The following COL4A4 variants were observed in gnomAD, a reference collection of about 807,000 sequenced individuals.
COL4A4 encodes the protein collagen type IV alpha 4 chain.
Under a neutral mutation model 192.9 loss-of-function variants are expected in COL4A4, and 105 were observed. The observed-to-expected ratio is 0.54, with a 90% CI of 0.46 to 0.64. COL4A4 has a LOEUF of 0.64. COL4A4 is among the 30% of genes least tolerant of loss of function. COL4A4 has a pLI of 0.00. For missense variants in COL4A4, 1,967 were observed against 2,169.3 expected (o/e 0.91, Z 1.85); for synonymous variants, 762 against 769.9 (o/e 0.99, Z 0.17).
At chr2:226,976,741 G>A in the COL4A4 span, among the ~76,000 whole-genome samples, 1 of 152,178 alleles carries the variant, frequency 6.6e-6, no homozygotes, top group Non-Finnish European at 1.5e-5. Flanking sequence ...AGTGCTGCAG[G>A]CACAAGGTAC....
intron 22 of COL4A4, among the ~76,000 whole-genome samples, chr2:227,086,786 G>A (rs1490905513): frequency 1.3e-5 from 2 of 152,190 alleles, no homozygotes; most frequent in Non-Finnish European, 2.9e-5. Flanking sequence ...AGAAGATTAA[G>A]TACCAACACA....
intron 41 of COL4A4, among the ~76,000 whole-genome samples, chr2:227,029,878 T>TC (rs1264479192): frequency 1.3e-5 from 2 of 152,168 alleles, no homozygotes; most frequent in East Asian, 3.8e-4. Context: ...AACTAAGCTG[T>TC]CCAATACAGA....
Position 227,054,731 on chromosome 2 carries a change from C to CG in COL4A4, c.2722dup (p.Arg908ProfsTer55), listed in dbSNP as rs1559508623. 6.2e-7 allele frequency: 1 copy of CG among 1,613,898 alleles called. No individual in the cohort carries two copies. Among genetic ancestry groups the CG allele is most frequent in the African/African-American group, 1.3e-5 (1 of 75,032 alleles). On this transcript the variant is annotated frameshift_variant, in exon 31 of 48. Coordinates refer to ENST00000396625, the MANE Select transcript of COL4A4 (RefSeq NM_000092.5). LOFTEE classifies it high-confidence loss of function. Reference sequence around the variant, plus strand: ...AAAACCTGGGAAACCAGGCAGCCCCCGGGGTCCTGGTGAAATGAGAGCATA... The same window carrying CG: ...AAAACCTGGGAAACCAGGCAGCCCCCGGGGGTCCTGGTGAAATGAGAGCATA...
chr2:227,108,650 T>C (rs766140614), intron 11 of COL4A4, 28 bp from the exon 12 acceptor site: 25 of 1,612,508 alleles, frequency 1.6e-5, no homozygotes, highest in Non-Finnish European at 2.1e-5. Context: ...AAGAATCTAA[T>C]TGCTTTTGAA....
intron 44 of COL4A4, among the ~76,000 whole-genome samples, chr2:227,014,300 C>T (rs1328757186): frequency 5.3e-5 from 8 of 152,110 alleles, no homozygotes; most frequent in Non-Finnish European, 7.4e-5. Context: ...CTTGGTAGGG[C>T]GGGGTGGGGC....
At chr2:227,162,658 A>T (rs75261204) in intron 1 of COL4A4, among the ~76,000 whole-genome samples, 7,548 of 152,312 alleles carry the variant, frequency 0.05, 234 homozygotes, top group Admixed American at 0.087. Context: ...TACTAAGAAT[A>T]TATCCTAATT....
Position 227,088,692 on chromosome 2 carries a change from G to C in COL4A4, c.1584C>G (p.Asp528Glu). Residue 528 changes from aspartate to glutamate, a missense_variant, in exon 22 of 48, where the codon GAC becomes GAG. By Grantham distance (45) the Asp-to-Glu change is conservative. Transcript: ENST00000396625. ...GLPGWLGTKG[D>E]PGPPGAEGPP... ...GTCCTTCAGCACCAGGAGGTCCTGG[G>C]TCACCTTTTGTTCCAAGCCAGCCAG... 1.9e-6 allele frequency: 3 copies of C among 1,614,138 alleles called. No homozygotes were observed. The highest frequency in any genetic ancestry group is 2.5e-6 in the Non-Finnish European group (3 of 1,180,028).
intron 19 of COL4A4, among the ~76,000 whole-genome samples, chr2:227,095,540 G>A (rs2150704301): frequency 6.6e-6 from 1 of 152,306 alleles, no homozygotes; most frequent in African/African-American, 2.4e-5. Context: ...TAATGCAACA[G>A]CAGGAAATCC....
At chr2:227,021,755 G>A (rs1389007955) in intron 44 of COL4A4, among the ~76,000 whole-genome samples, 1 of 152,134 alleles carries the variant, frequency 6.6e-6, no homozygotes, top group African/African-American at 2.4e-5. Context: ...AACCTGGGAG[G>A]CGGAGCTTGC....
intron 8 of COL4A4, among the ~76,000 whole-genome samples, chr2:227,112,561 G>A (rs887674891): frequency 1.3e-5 from 2 of 152,246 alleles, no homozygotes; most frequent in Admixed American, 1.3e-4. Flanking sequence ...GAGCCACCAC[G>A]CCTGGCCCAT....
At chr2:226,972,321 T>C in the COL4A4 span, among the ~76,000 whole-genome samples, 1 of 152,044 alleles carries the variant, frequency 6.6e-6, no homozygotes, top group Non-Finnish European at 1.5e-5. Flanking sequence ...CTTTATCCAG[T>C]CAATCATTGA....
At chr2:226,985,563 A>G in the COL4A4 span, among the ~76,000 whole-genome samples, 1 of 152,248 alleles carries the variant, frequency 6.6e-6, no homozygotes, top group East Asian at 1.9e-4. Flanking sequence ...TCGGGTGGAT[A>G]TGTTCAGTTG....
the COL4A4 span, chr2:226,969,050 A>G: frequency 2.9e-5 from 6 of 209,016 alleles, no homozygotes; most frequent in Non-Finnish European, 6.1e-5. Context: ...GGGATAAACA[A>G]GGTGTTGCTT....
chr2:227,127,336 G>A (rs551358625), intron 4 of COL4A4, among the ~76,000 whole-genome samples: 2 of 152,282 alleles, frequency 1.3e-5, no homozygotes, highest in African/African-American at 4.8e-5. Context: ...TGGTTCAAAG[G>A]CCAAATTGAC....
At chr2:227,097,334 G>A (rs189551315) in intron 19 of COL4A4, among the ~76,000 whole-genome samples, 70 of 152,186 alleles carry the variant, frequency 4.6e-4, no homozygotes, top group African/African-American at 1.5e-3. Context: ...GTCACATACC[G>A]AAAATGTATA....
intron 25 of COL4A4, among the ~76,000 whole-genome samples, chr2:227,065,011 T>C (rs899151979): frequency 4.6e-5 from 7 of 151,970 alleles, no homozygotes; most frequent in African/African-American, 7.3e-5. Flanking sequence ...AGACAGTGGG[T>C]GCAGGTCAGT....
At chr2:226,967,554 C>A in the COL4A4 span, among the ~76,000 whole-genome samples, 2 of 139,968 alleles carry the variant, frequency 1.4e-5, no homozygotes, top group Non-Finnish European at 3.0e-5. Flanking sequence ...CCACCTCTAA[C>A]TTTCTGCATG....
chr2:227,066,790 A>G (rs900300636), intron 25 of COL4A4, among the ~76,000 whole-genome samples: 6 of 152,070 alleles, frequency 3.9e-5, no homozygotes, highest in Admixed American at 6.5e-5. Flanking sequence ...CATCGAGACT[A>G]GGAAGAAACT....
intron 44 of COL4A4, among the ~76,000 whole-genome samples, chr2:227,014,764 G>T (rs1964516126): frequency 2.6e-5 from 4 of 152,058 alleles, no homozygotes; most frequent in Admixed American, 2.6e-4. Flanking sequence ...TGGCTGGAGT[G>T]GAGTGGCACA....
Sources: gnomAD v4.1 joint callset for allele counts (sites outside exome capture counted in the v4.1 genomes callset) on GRCh38, gnomAD v4.1.1 for gene constraint, MANE v1.5 for transcripts, NCBI Gene and HGNC (gene_info 2026-07-23, HGNC 2026-07-21) for gene names.